LRRC43: variants seen among roughly 807,000 people sequenced by gnomAD.
LRRC43 encodes the protein leucine rich repeat containing 43, also known as leucine-rich repeat-containing protein 43.
In LRRC43, 62 loss-of-function variants were observed where a neutral mutation model predicts 64.3. The observed-to-expected ratio is 0.96, with a 90% CI of 0.79 to 1.19. The LOEUF (loss-of-function observed/expected upper bound fraction) is 1.19, where lower values mean the gene tolerates loss of function less well. Among genes scored for constraint, LRRC43 ranks in the 50% most tolerant of loss-of-function variants. The pLI is 0.00. For missense variants in LRRC43, 868 were observed against 845.0 expected, an observed-to-expected ratio of 1.03 and a Z score of -0.34; for synonymous variants, 422 against 382.3, an observed-to-expected ratio of 1.10 and a Z score of -1.21.
chr12:122,175,320 C>T (rs918566920), intron 1 of LRRC43, among the ~76,000 whole-genome samples: 3 of 151,860 alleles, frequency 2.0e-5, no homozygotes, highest in Admixed American at 6.6e-5. Context: ...CAGGCGCCCA[C>T]CACCACGCAC....
intron 1 of LRRC43, among the ~76,000 whole-genome samples, chr12:122,169,511 C>T (rs528104260): frequency 6.6e-6 from 1 of 151,846 alleles, no homozygotes; most frequent in South Asian, 2.1e-4. Context: ...GTCAGGAGAT[C>T]GAGACCATCC....
chr12:122,172,800 C>A, intron 1 of LRRC43: 1 of 1,343,098 alleles, frequency 7.4e-7, no homozygotes, highest in Non-Finnish European at 1.0e-6. Context: ...CAAGTCTTAA[C>A]AGTGAATGTT....
rs1156781989 is a variant in LRRC43, at chr12:122,190,292, C to G, written c.825C>G (p.Ala275=). 1 of 1,614,198 alleles carries G rather than the reference C, an allele frequency of 6.2e-7. No homozygotes were observed. The highest frequency in any genetic ancestry group is 1.1e-5 in the South Asian group (1 of 91,082). Residue 275 remains alanine (A), a synonymous_variant, in exon 5 of 12, where the codon GCC becomes GCG. Transcript: ENST00000339777. ...GCGGCCTCACCATCGACAGCCTGGC[C>G]CAGCTCTGCGTGCTGGACGACATCA... ...YYRGLTIDSL[A]QLCVLDDITV...
At position 122,174,183 on chromosome 12, in the gene LRRC43, A is replaced by G. The variant is rs764468315; in HGVS notation, c.-406+6401A>G. The G allele has an allele frequency of 4.3e-6, 7 of 1,614,106 alleles. No individual in the cohort carries two copies. In the Admixed American group the frequency reaches 1.0e-4, roughly 23 times the overall value. On this transcript the variant is annotated intron_variant, in intron 1 of 5. Coordinates refer to the LRRC43 transcript ENST00000537729. The stretch of plus-strand genomic sequence containing the variant: ...TGAGTGAGAGGCCATGGCGAGAGAG[A>G]GCAAGGCCAGCTTCAGTGGGGGCTT...
chr12:122,190,868 G>T (rs1389646099), intron 5 of LRRC43, among the ~76,000 whole-genome samples: 1 of 150,724 alleles, frequency 6.6e-6, no homozygotes, highest in African/African-American at 2.4e-5. Context: ...AAAAAAAAAG[G>T]TGGTGTGGGA....
At chr12:122,189,392 C>G (rs1018376798) in intron 4 of LRRC43, 4 of 456,192 alleles carry the variant, frequency 8.8e-6, no homozygotes, top group African/African-American at 6.0e-5. Context: ...CTCTTCCTCC[C>G]CTTCTCTTCT....
At chr12:122,190,815 A>G (rs892772568) in intron 5 of LRRC43, among the ~76,000 whole-genome samples, 1 of 151,736 alleles carries the variant, frequency 6.6e-6, no homozygotes, top group Non-Finnish European at 1.5e-5. Flanking sequence ...GTGAGCCGAG[A>G]TGACACCAGT....
At chr12:122,170,999 G>A (rs1953480787) in intron 1 of LRRC43, among the ~76,000 whole-genome samples, 1 of 152,172 alleles carries the variant, frequency 6.6e-6, no homozygotes, top group Non-Finnish European at 1.5e-5. Flanking sequence ...GCTGGGCCAG[G>A]GACCACGTTT....
At chr12:122,176,640 T>C (rs1424091997) in intron 1 of LRRC43, among the ~76,000 whole-genome samples, 6 of 151,704 alleles carry the variant, frequency 4.0e-5, no homozygotes, top group Admixed American at 4.0e-4. Flanking sequence ...ATGAACTTTA[T>C]TTATTAGTAG....
chr12:122,179,711 A>G (rs12816786), upstream of LRRC43, among the ~76,000 whole-genome samples: 79,457 of 151,808 alleles, frequency 0.52, 21,361 homozygotes, highest in East Asian at 0.69. Flanking sequence ...GGTGGCTCAC[A>G]CCTGTAATCC....
chr12:122,190,445 G>A (rs1953705415), intron 5 of LRRC43, 77 bp downstream of exon 5: 2 of 1,188,872 alleles, frequency 1.7e-6, no homozygotes, highest in East Asian at 2.3e-5. Context: ...GCCCTCCTGG[G>A]TCCGTGTACC....
chr12:122,189,316 C>T, intron 4 of LRRC43: 1 of 422,388 alleles, frequency 2.4e-6, no homozygotes, highest in Non-Finnish European at 4.8e-6. Context: ...GGGGGTCCAA[C>T]CCTCTACATG....
chr12:122,180,135 G>A (rs79658266), upstream of LRRC43, among the ~76,000 whole-genome samples: 1,533 of 152,222 alleles, frequency 0.01, 25 homozygotes, highest in African/African-American at 0.034. Context: ...ACTAGATTGG[G>A]CAACATGAGG....
Position 122,200,044 on chromosome 12 carries a change from G to T in LRRC43, c.1350-145G>T. 1.2e-6 allele frequency: 1 copy of T among 828,940 alleles called. No homozygotes were observed. The allele number at this position is 828,940 out of a possible 1,614,324, so 51.3% of individuals were successfully genotyped here. A position where few individuals can be genotyped will look rare whatever the true frequency, so the allele number is the denominator to read the frequency against. The stretch of plus-strand genomic sequence containing the variant: ...GCCTTCTGGTCCCCTTGCCCTGCCT[G>T]GTGGCAGCCGGACCTCACGTCTCAT... On this transcript the variant is annotated intron_variant, in intron 7 of 11. Coordinates refer to ENST00000339777, the MANE Select transcript of LRRC43 (RefSeq NM_001098519.2). The surrounding 1 kb of genome is among the most constrained non-coding windows in gnomAD (Gnocchi z 4.6).
chr12:122,187,804 G>A lies in LRRC43; in HGVS notation c.626G>A (p.Gly209Asp). Residue 209 changes from glycine to aspartate, a missense_variant, in exon 4 of 12, where the codon GGC becomes GAC. Physicochemically the swap from Gly to Asp is moderately conservative, Grantham distance 94. Transcript: ENST00000339777. ...GGGTTAGGCCACAACAAACTTCTAG[G>A]CCCCTTGGAAAGTCTCTACGTCACC... is the stretch of plus-strand genomic sequence containing the variant. ...HLGLGHNKLL[G>D]PLESLYVTAN... 6.2e-7 allele frequency: 1 copy of A among 1,614,130 alleles called. No individual in the cohort carries two copies. Among genetic ancestry groups the A allele is most frequent in the Non-Finnish European group, 8.5e-7 (1 of 1,180,034 alleles).
chr12:122,171,040 C>G (rs1305495060), intron 1 of LRRC43, among the ~76,000 whole-genome samples: 1 of 152,228 alleles, frequency 6.6e-6, no homozygotes, highest in Non-Finnish European at 1.5e-5. Flanking sequence ...GAAGCCTTAA[C>G]AGTTGTGGAC....
chr12:122,190,210 G>C lies in LRRC43; in HGVS notation c.743G>C (p.Arg248Pro), dbSNP rs372790097. The C allele has an allele frequency of 6.2e-7, 1 of 1,613,946 alleles. No individual in the cohort carries two copies. Among genetic ancestry groups the C allele is most frequent in the South Asian group, 1.1e-5 (1 of 91,068 alleles). ...QSMVTSLRTL[R>P]HLRLLVLQGN... is the part of the protein sequence containing the mutation. ...ATGGTCACCAGCCTGAGGACCCTCC[G>C]GCACCTGCGACTCCTGGTGCTGCAG... Residue 248 changes from arginine to proline, a missense_variant, in exon 5 of 12, where the codon CGG (arginine) becomes CCG (proline). Transcript: ENST00000339777.
At position 122,194,350 on chromosome 12, in the gene LRRC43, T is replaced by C. The variant is rs1953753181; in HGVS notation, c.1349+1346T>C. Among the ~76,000 whole-genome samples the C allele has an allele frequency of 1.3e-5, 2 of 150,000 alleles. 1 individual carries two copies. The highest frequency in any genetic ancestry group is 1.3e-4 in the Admixed American group (2 of 15,174). ...ACTTTGGGAGGCTGAGGTGGACAGATCACCTCAGGAGGTCGAGACCCGCCT... is the reference window on the plus strand; with the variant it reads ...ACTTTGGGAGGCTGAGGTGGACAGACCACCTCAGGAGGTCGAGACCCGCCT... On this transcript the variant is annotated intron_variant, in intron 7 of 11. Coordinates refer to ENST00000339777, the MANE Select transcript of LRRC43 (RefSeq NM_001098519.2).
upstream of LRRC43, among the ~76,000 whole-genome samples, chr12:122,180,156 T>A (rs1953569736): frequency 6.6e-6 from 1 of 152,022 alleles, no homozygotes; most frequent in Non-Finnish European, 1.5e-5. Context: ...TCACAGAAAC[T>A]TTGCTGGGAG....
Sources: allele counts gnomAD v4.1 joint callset (sites outside exome capture counted in the v4.1 genomes callset), GRCh38; gene constraint gnomAD v4.1.1; non-coding constraint Gnocchi (gnomAD v3.1); transcripts MANE v1.5; gene names NCBI Gene and HGNC (gene_info 2026-07-23, HGNC 2026-07-21).